The following ATP10B variants were observed in gnomAD, a reference collection of about 807,000 sequenced individuals.
ATP10B encodes ATPase phospholipid transporting 10B (putative).
Under a neutral mutation model 141.2 loss-of-function variants are expected in ATP10B, and 122 were observed. The observed-to-expected ratio is 0.86, with a 90% CI of 0.75 to 1.00. ATP10B has a LOEUF of 1.00. Ranked by LOEUF, ATP10B falls within the 50% of genes least tolerant of loss-of-function variation. The pLI is 0.00. For synonymous variants in ATP10B, 685 were observed against 692.0 expected (o/e 0.99, Z 0.16); for missense variants, 1,876 against 1,825.3 (o/e 1.03, Z -0.51).
intron 3 of ATP10B, among the ~76,000 whole-genome samples, chr5:160,709,473 G>T (rs1407570922): frequency 6.6e-6 from 1 of 152,100 alleles, no homozygotes; most frequent in Non-Finnish European, 1.5e-5. Context: ...TCAGGGACAT[G>T]TAAATTAAAA....
At chr5:160,841,032 G>A (rs1316213555) in intron 1 of ATP10B, among the ~76,000 whole-genome samples, 1 of 152,030 alleles carries the variant, frequency 6.6e-6, no homozygotes, top group African/African-American at 2.4e-5. Flanking sequence ...AGGGAGATTT[G>A]GCATCAGTTA....
chr5:160,785,732 T>G lies in ATP10B; in HGVS notation c.-504A>C. The G allele has an allele frequency of 1.6e-6, 2 of 1,261,664 alleles. No individual in the cohort carries two copies. The highest frequency in any genetic ancestry group is 2.1e-6 in the Non-Finnish European group (2 of 971,798). 78.2% of individuals were successfully genotyped at this position (1,261,664 alleles called of 1,614,324 possible). A position where few individuals can be genotyped will look rare whatever the true frequency, so the allele number is the denominator to read the frequency against. On this transcript the variant is annotated 5_prime_UTR_variant, in exon 2 of 26. Coordinates refer to ENST00000327245, the MANE Select transcript of ATP10B (RefSeq NM_025153.3). ...TGAGATGAATAATAGGAAAAACTAC[T>G]TACTCTTCACACTGTTGCTTTCATT... is the stretch of plus-strand genomic sequence containing the variant.
chr5:160,818,943 G>A (rs990048171), intron 1 of ATP10B, among the ~76,000 whole-genome samples: 2 of 152,110 alleles, frequency 1.3e-5, no homozygotes, highest in African/African-American at 4.8e-5. Context: ...GGTGGGAATT[G>A]AACAATGAGA....
intron 3 of ATP10B, among the ~76,000 whole-genome samples, chr5:160,689,745 T>C (rs1298128158): frequency 6.6e-6 from 1 of 152,124 alleles, no homozygotes; most frequent in Non-Finnish European, 1.5e-5. Flanking sequence ...TGATCATGGA[T>C]AGGAAAAATC....
intron 7 of ATP10B, among the ~76,000 whole-genome samples, chr5:160,666,103 A>T (rs1485429880): frequency 6.6e-6 from 1 of 152,174 alleles, no homozygotes; most frequent in South Asian, 2.1e-4. Context: ...GTATATAGTA[A>T]AAAGTACCTA....
chr5:160,636,955 C>T, intron 10 of ATP10B, among the ~76,000 whole-genome samples: 1 of 149,494 alleles, frequency 6.7e-6, no homozygotes, highest in Non-Finnish European at 1.5e-5. Flanking sequence ...CATCTACTCA[C>T]CCATCTATCC....
chr5:160,664,177 G>A (rs1385244399), intron 7 of ATP10B, among the ~76,000 whole-genome samples: 2 of 152,200 alleles, frequency 1.3e-5, no homozygotes, highest in Admixed American at 1.3e-4. Context: ...AAGCCTGTCA[G>A]GGACAGGTCC....
At chr5:160,845,283 A>G (rs377245049) in intron 1 of ATP10B, among the ~76,000 whole-genome samples, 2 of 152,162 alleles carry the variant, frequency 1.3e-5, no homozygotes, top group East Asian at 1.9e-4. Context: ...GGGAACCATG[A>G]CTGTGGACAT....
intron 2 of ATP10B, among the ~76,000 whole-genome samples, chr5:160,773,418 G>C (rs1295862317): frequency 1.3e-5 from 2 of 152,190 alleles, no homozygotes; most frequent in Non-Finnish European, 2.9e-5. Flanking sequence ...GTGTGATGCT[G>C]ATGTTCAGTC....
At chr5:160,797,888 C>T (rs1309814990) in intron 1 of ATP10B, among the ~76,000 whole-genome samples, 1 of 146,488 alleles carries the variant, frequency 6.8e-6, no homozygotes, top group Non-Finnish European at 1.5e-5. Flanking sequence ...CCCAGGAGTT[C>T]GAGACCAGCC....
rs1323511967 is a variant in ATP10B, at chr5:160,612,771, G to A, written c.2808C>T (p.Asp936=). The change falls in exon 18 of 26, where the codon GAC becomes GAT. Residue 936 remains aspartate, a synonymous_variant. Coordinates refer to ENST00000327245, the MANE Select transcript of ATP10B (RefSeq NM_025153.3). ...TCTCTGTATTGATGGTATAAACAGTGTCGGTCTGATTTAACAGTCTGCAGG... is the reference window on the plus strand; with the variant it reads ...TCTCTGTATTGATGGTATAAACAGTATCGGTCTGATTTAACAGTCTGCAGG... ...AHSCRLLNQT[D]TVYTINTENQ... is the part of the protein sequence containing the mutation. The A allele has an allele frequency of 6.2e-7, 1 of 1,613,964 alleles. No individual in the cohort carries two copies. Among genetic ancestry groups the A allele is most frequent in the East Asian group, 2.2e-5 (1 of 44,876 alleles).
Position 160,683,002 on chromosome 5 carries a change from G to GCA in ATP10B, c.470+3075_470+3076dup, listed in dbSNP as rs2127741020. Among the ~76,000 whole-genome samples the GCA allele has an allele frequency of 2.4e-5, 3 of 126,324 alleles. No homozygotes were observed. In the South Asian group the frequency reaches 7.6e-4, roughly 32 times the overall value. The allele number at this position is 126,324 out of a possible 152,430, so 82.9% of individuals were successfully genotyped here. A position where few individuals can be genotyped will look rare whatever the true frequency, so the allele number is the denominator to read the frequency against. On this transcript the variant is annotated intron_variant, in intron 6 of 25. Transcript: ENST00000327245. ...TGCAGTGAGCTGTGATGGCGCCACT[G>GCA]CACTCCAGCCTGGGCGACAGACCAA...
chr5:160,593,640 G>T (rs1211274393), intron 22 of ATP10B, among the ~76,000 whole-genome samples: 1 of 152,096 alleles, frequency 6.6e-6, no homozygotes, highest in Non-Finnish European at 1.5e-5. Context: ...TCAAACCAAA[G>T]GCAAAGAAGT....
At chr5:160,688,526 A>T (rs1031751302) in intron 4 of ATP10B, among the ~76,000 whole-genome samples, 1 of 152,182 alleles carries the variant, frequency 6.6e-6, no homozygotes, top group Admixed American at 6.5e-5. Context: ...GCTCTGGTTC[A>T]GTCCTAGTGG....
At chr5:160,687,377 T>C (rs147948143) in intron 5 of ATP10B, among the ~76,000 whole-genome samples, 100 of 152,210 alleles carry the variant, frequency 6.6e-4, no homozygotes, top group Non-Finnish European at 1.1e-3. Context: ...ATGAAAAAAC[T>C]TCTTAAGACA....
intron 24 of ATP10B, among the ~76,000 whole-genome samples, chr5:160,585,233 G>T (rs544223939): frequency 2.8e-4 from 42 of 152,058 alleles, no homozygotes; most frequent in Non-Finnish European, 6.0e-4. Flanking sequence ...TTTATTTTTT[G>T]CCAGTGTCTG....
At chr5:160,787,088 T>C (rs1771206549) in intron 1 of ATP10B, among the ~76,000 whole-genome samples, 1 of 143,700 alleles carries the variant, frequency 7.0e-6, no homozygotes, top group African/African-American at 2.6e-5. Context: ...TCCTGCTCCT[T>C]GAAGGGTTTT....
chr5:160,925,563 T>C, the ATP10B span, among the ~76,000 whole-genome samples: 1 of 152,234 alleles, frequency 6.6e-6, no homozygotes, highest in Admixed American at 6.5e-5. Context: ...GAAATGCTTC[T>C]ATCAGTGGCA....
At chr5:160,786,469 T>G (rs4438915) in intron 1 of ATP10B, among the ~76,000 whole-genome samples, 67,785 of 151,948 alleles carry the variant, frequency 0.45, 15,365 homozygotes, top group East Asian at 0.59. Context: ...AACAGGGCAG[T>G]TATCATAATT....
Sources: gnomAD v4.1 joint callset for allele counts (sites outside exome capture counted in the v4.1 genomes callset) on GRCh38, gnomAD v4.1.1 for gene constraint, MANE v1.5 for transcripts, NCBI Gene and HGNC (gene_info 2026-07-23, HGNC 2026-07-21) for gene names.